The following SCAF4 variants were observed in gnomAD, a reference collection of about 807,000 sequenced individuals.
The protein encoded by SCAF4 is SR-related and CTD-associated factor 4.
Under a neutral mutation model 129.8 loss-of-function variants are expected in SCAF4, and 25 were observed. That is an observed-to-expected ratio of 0.19 (90% CI 0.14 to 0.27). SCAF4 has a LOEUF of 0.27. SCAF4 is among the 10% of genes least tolerant of loss of function. SCAF4 has a pLI of 1.00. For synonymous variants in SCAF4, 551 were observed against 497.7 expected, an observed-to-expected ratio of 1.11 and a Z score of -1.43; for missense variants, 1,246 against 1,457.1, an observed-to-expected ratio of 0.86 and a Z score of 2.36.
At chr21:31,701,986 T>C in intron 5 of SCAF4, 68 bp from the exon 6 acceptor site, 1 of 1,550,562 alleles carries the variant, frequency 6.4e-7, no homozygotes, top group Non-Finnish European at 8.8e-7. Context: ...ATTAAGCTTC[T>C]TTGCTAAAAT....
intron 1 of SCAF4, chr21:31,712,764 A>G (rs2050835139): frequency 3.7e-6 from 1 of 273,770 alleles, no homozygotes; most frequent in South Asian, 1.4e-4. Context: ...TCCTGACCTC[A>G]GTTGATCCAC....
intron 19 of SCAF4, among the ~76,000 whole-genome samples, chr21:31,681,115 T>TA (rs1315456023): frequency 1.3e-5 from 2 of 152,218 alleles, no homozygotes; most frequent in East Asian, 3.9e-4. Flanking sequence ...AAACCTTTGG[T>TA]AACAAAAATT....
rs889125337 is a variant in SCAF4 at position 31,731,998 on chromosome 21, G to GC, written c.-307dup. The stretch of plus-strand genomic sequence containing the variant: ...CTGCGCTCTGCGTCTCGCTGACACG[G>GC]CCCCCCGCGCCCTCACGCACTGGCT... On this transcript the variant is annotated 5_prime_UTR_variant, in exon 1 of 20. Transcript: ENST00000286835. 3 of 471,614 alleles carry GC rather than the reference G, an allele frequency of 6.4e-6. No individual in the cohort carries two copies. Among genetic ancestry groups the GC allele is most frequent in the African/African-American group, 4.1e-5 (2 of 48,704 alleles). The allele number at this position is 471,614 out of a possible 1,614,324, so 29.2% of individuals were successfully genotyped here.
chr21:31,709,074 G>C (rs1224338278), intron 1 of SCAF4, among the ~76,000 whole-genome samples: 1 of 152,154 alleles, frequency 6.6e-6, no homozygotes, highest in Non-Finnish European at 1.5e-5. Flanking sequence ...CTAATTTATG[G>C]AGAAGCTAGG....
chr21:31,694,340 C>T (rs1435382941), intron 10 of SCAF4, 51 bp from the exon 11 acceptor site: 1 of 1,162,758 alleles, frequency 8.6e-7, no homozygotes, highest in African/African-American at 1.5e-5. Flanking sequence ...AGTATAAAAG[C>T]AAGAGGACAA....
At chr21:31,706,599 T>G in intron 1 of SCAF4, 1 of 481,946 alleles carries the variant, frequency 2.1e-6, no homozygotes. Flanking sequence ...GAAGGGGTAG[T>G]GAAATGAAGG....
chr21:31,712,177 A>C (rs2050813388), intron 1 of SCAF4, among the ~76,000 whole-genome samples: 1 of 149,290 alleles, frequency 6.7e-6, no homozygotes, highest in South Asian at 2.1e-4. Flanking sequence ...TGGGCCCTCT[A>C]CTGTTGCCAG....
chr21:31,692,311 C>A (rs1208759044), intron 13 of SCAF4, 38 bp downstream of exon 13: 2 of 1,463,734 alleles, frequency 1.4e-6, no homozygotes, highest in Non-Finnish European at 1.9e-6. Context: ...ATTAATCACA[C>A]CTGTCCATCG....
chr21:31,691,491 C>T (rs1035541696), intron 14 of SCAF4, among the ~76,000 whole-genome samples: 1 of 152,018 alleles, frequency 6.6e-6, no homozygotes, highest in African/African-American at 2.4e-5. Context: ...TTTAAAAATA[C>T]AGTATCCAAA....
chr21:31,686,256 T>A (rs1446077271), intron 16 of SCAF4, among the ~76,000 whole-genome samples: 1 of 150,872 alleles, frequency 6.6e-6, no homozygotes, highest in East Asian at 1.9e-4. Flanking sequence ...AAATCAAAGT[T>A]GCGCTCTTCA....
intron 1 of SCAF4, among the ~76,000 whole-genome samples, chr21:31,723,629 T>TGTGTGTGTGTGTGC (rs1271033175): frequency 8.9e-4 from 133 of 149,074 alleles, no homozygotes; most frequent in African/African-American, 2.8e-3. Flanking sequence ...TGTGTGTGTG[T>TGTGTGTGTGTGTGC]GCGCGCGCGC....
intron 1 of SCAF4, among the ~76,000 whole-genome samples, chr21:31,713,229 C>G (rs767755250): frequency 3.3e-5 from 5 of 152,112 alleles, no homozygotes; most frequent in Non-Finnish European, 7.4e-5. Context: ...TTGTGGTGAT[C>G]TAAGATTTTG....
chr21:31,700,697 G>A, intron 7 of SCAF4: 2 of 385,694 alleles, frequency 5.2e-6, no homozygotes, highest in Non-Finnish European at 4.8e-6. Flanking sequence ...CCAAGTATTG[G>A]GGTTAATGAA....
At chr21:31,721,119 C>T (rs185119131) in intron 1 of SCAF4, among the ~76,000 whole-genome samples, 1 of 152,294 alleles carries the variant, frequency 6.6e-6, no homozygotes, top group Admixed American at 6.5e-5. Flanking sequence ...AAACAAATCC[C>T]ATCCCCATTA....
intron 19 of SCAF4, among the ~76,000 whole-genome samples, chr21:31,675,158 GAAGA>G (rs929752069): frequency 9.2e-5 from 14 of 152,200 alleles, no homozygotes; most frequent in African/African-American, 3.4e-4. Context: ...TGAAAACTAA[GAAGA>G]AAGGAGAAAA....
chr21:31,709,344 A>C (rs1032037781), intron 1 of SCAF4, among the ~76,000 whole-genome samples: 1 of 141,808 alleles, frequency 7.1e-6, no homozygotes, highest in Non-Finnish European at 1.5e-5. Flanking sequence ...CTGGTACTGA[A>C]ACTGTCAAAA....
At chr21:31,705,025 AC>A (rs2050623729) in intron 3 of SCAF4, among the ~76,000 whole-genome samples, 1 of 152,232 alleles carries the variant, frequency 6.6e-6, no homozygotes, top group African/African-American at 2.4e-5. Context: ...AAAACAACAG[AC>A]AGCTGAACTG....
At chr21:31,706,159 AG>A in intron 2 of SCAF4, 114 bp downstream of exon 2, 2 of 702,530 alleles carry the variant, frequency 2.8e-6, no homozygotes, top group Non-Finnish European at 5.0e-6. Flanking sequence ...AAGGCTGGTT[AG>A]GGCTCTTTGA....
chr21:31,688,327 T>C lies in SCAF4; in HGVS notation c.2023A>G (p.Ile675Val), dbSNP rs762337060. Residue 675 changes from isoleucine (I) to valine (V), a missense_variant, in exon 16 of 20, where the codon ATA becomes GTA. Coordinates refer to ENST00000286835, the MANE Select transcript of SCAF4 (RefSeq NM_020706.2). ...CTCACCTGTGGAGGTGGCACTGTTA[T>C]AGGTGCAGGAACAGGAATAGGAGGG... The part of the protein sequence containing the change: ...PVPPIPVPAP[I>V]TVPPPQVPPH... The C allele has an allele frequency of 8.1e-6, 13 of 1,613,446 alleles. No individual in the cohort carries two copies. Among genetic ancestry groups the C allele is most frequent in the East Asian group, 2.2e-5 (1 of 44,876 alleles).
Sources: allele counts gnomAD v4.1 joint callset (sites outside exome capture counted in the v4.1 genomes callset), GRCh38; gene constraint gnomAD v4.1.1; transcripts MANE v1.5; gene names NCBI Gene and HGNC (gene_info 2026-07-23, HGNC 2026-07-21).